CLSTN1: variants seen among roughly 807,000 people sequenced by gnomAD.
CLSTN1 encodes the protein calsyntenin-1.
CLSTN1 carries 28 observed loss-of-function variants against 108.3 expected under a neutral mutation model. The ratio of observed to expected loss-of-function variants is 0.26; its 90% CI spans 0.19 to 0.35. The LOEUF (loss-of-function observed/expected upper bound fraction) is 0.35. Among genes scored for constraint, CLSTN1 ranks in the 10% least tolerant of loss-of-function variants. CLSTN1 has a pLI of 1.00. For missense variants in CLSTN1, 1,157 were observed against 1,302.6 expected, an observed-to-expected ratio of 0.89 and a Z score of 1.72; for synonymous variants, 524 against 534.9, an observed-to-expected ratio of 0.98 and a Z score of 0.28.
At chr1:9,752,836 T>G (rs1651619280) in intron 4 of CLSTN1, among the ~76,000 whole-genome samples, 1 of 152,204 alleles carries the variant, frequency 6.6e-6, no homozygotes, top group Non-Finnish European at 1.5e-5. Flanking sequence ...CACTCCAGCC[T>G]GGGTGACAGA....
In CLSTN1 at chr1:9,744,466, A is replaced by G. The variant is rs780881043; in HGVS notation, c.1163T>C (p.Ile388Thr). ...TGGCCCATGTCTCATCCACACCGAGATGGTGAACGGCTCTTTGGGGCTGAC... is the reference window on the plus strand; with the variant it reads ...TGGCCCATGTCTCATCCACACCGAGGTGGTGAACGGCTCTTTGGGGCTGAC... ...VSVSPKEPFT[I>T]SVWMRHGPFG... is the part of the protein sequence containing the mutation. Residue 388 changes from isoleucine to threonine, a missense_variant, in exon 8 of 19, where the codon ATC becomes ACC. Ile to Thr is a moderately conservative substitution (Grantham distance 89, BLOSUM62 -1). Transcript: ENST00000377298. 43 of 1,610,810 alleles carry G rather than the reference A, an allele frequency of 2.7e-5. No homozygotes were observed. The highest frequency in any genetic ancestry group is 3.4e-5 in the Non-Finnish European group (40 of 1,179,914).
At chr1:9,821,194 G>C (rs991367733) in intron 1 of CLSTN1, among the ~76,000 whole-genome samples, 2 of 152,152 alleles carry the variant, frequency 1.3e-5, no homozygotes, top group East Asian at 1.9e-4. Flanking sequence ...GTGCAGTGGC[G>C]CAATCTCGGC....
intron 2 of CLSTN1, among the ~76,000 whole-genome samples, chr1:9,769,984 C>T (rs567641698): frequency 9.5e-5 from 14 of 147,720 alleles, no homozygotes; most frequent in South Asian, 6.3e-4. Context: ...GAGCCGAGAT[C>T]GCGCCACTGC....
intron 1 of CLSTN1, among the ~76,000 whole-genome samples, chr1:9,800,607 G>C (rs565720285): frequency 2.0e-5 from 3 of 149,788 alleles, no homozygotes; most frequent in African/African-American, 7.3e-5. Context: ...GCAGGCGCCT[G>C]TAGTCCCAGC....
In CLSTN1 at chr1:9,823,585, TGCACCCGGACCCGAATCCC is replaced by T. The variant is rs1288235259; in HGVS notation, c.91+39_91+57del. The T allele has an allele frequency of 4.1e-5, 45 of 1,103,354 alleles. No homozygotes were observed. Among genetic ancestry groups the T allele is most frequent in the Non-Finnish European group, 4.7e-5 (42 of 886,918 alleles). The allele number at this position is 1,103,354 out of a possible 1,614,324, so 68.3% of individuals were successfully genotyped here. ...AATCCCCGCACCGGGACCCGAATCC[TGCACCCGGACCCGAATCCC>T]GCACCGACCCAGCGGCCCGGCCCAG... On this transcript the variant is annotated intron_variant, in intron 1 of 18. Transcript: ENST00000377298. This position sits in a 1 kb window ranked among gnomAD's most constrained non-coding sequence, Gnocchi z 6.3.
intron 1 of CLSTN1, among the ~76,000 whole-genome samples, chr1:9,820,679 A>C (rs1022971538): frequency 3.3e-5 from 5 of 152,178 alleles, no homozygotes; most frequent in African/African-American, 1.2e-4. Context: ...TCATTCAATC[A>C]CACAATACTG....
At position 9,791,032 on chromosome 1, in the gene CLSTN1, C is replaced by T. The variant is rs371217254; in HGVS notation, c.92-17638G>A. Among the ~76,000 whole-genome samples, 23 of 149,364 alleles carry T rather than the reference C, an allele frequency of 1.5e-4. 1 individual carries two copies. In the East Asian group the frequency reaches 1.6e-3, roughly 11 times the overall value. ...CTGTAGTCCCAGCTACTCGGGAGGC[C>T]GAGGCAGGAGAATGGCGTGAACCCG... On this transcript the variant is annotated intron_variant, in intron 1 of 18. Coordinates refer to ENST00000377298, the MANE Select transcript of CLSTN1 (RefSeq NM_001009566.3).
chr1:9,747,176 CAAAAAAAAAAAAAA>C (rs70998306), intron 7 of CLSTN1, among the ~76,000 whole-genome samples: 1 of 32,724 alleles, frequency 3.1e-5, no homozygotes, highest in Admixed American at 3.4e-4. Context: ...GAGACTGTCT[CAAAAAAAAAAAAAA>C]AAAAAAAAAA....
chr1:9,740,249 G>A (rs1650910996), intron 10 of CLSTN1, among the ~76,000 whole-genome samples: 1 of 151,702 alleles, frequency 6.6e-6, no homozygotes, highest in Admixed American at 6.6e-5. Flanking sequence ...TAGTAGAGAT[G>A]GGGTTTCACC....
intron 1 of CLSTN1, among the ~76,000 whole-genome samples, chr1:9,792,417 C>A (rs1653810381): frequency 6.6e-6 from 1 of 151,476 alleles, no homozygotes; most frequent in Admixed American, 6.7e-5. Flanking sequence ...AGATTTCCAG[C>A]AGCAAAGGCT....
chr1:9,800,490 C>T (rs900160407), intron 1 of CLSTN1, among the ~76,000 whole-genome samples: 2 of 144,452 alleles, frequency 1.4e-5, no homozygotes, highest in African/African-American at 2.6e-5. Flanking sequence ...GAGGCCGAGA[C>T]AGGAGGATCA....
At chr1:9,769,672 T>G (rs1652569319) in intron 2 of CLSTN1, among the ~76,000 whole-genome samples, 1 of 152,152 alleles carries the variant, frequency 6.6e-6, no homozygotes, top group Non-Finnish European at 1.5e-5. Flanking sequence ...GATGAAAATG[T>G]TCTGGAGTTA....
intron 2 of CLSTN1, among the ~76,000 whole-genome samples, chr1:9,770,234 C>A (rs1461612345): frequency 6.6e-6 from 1 of 152,074 alleles, no homozygotes; most frequent in Non-Finnish European, 1.5e-5. Flanking sequence ...AGTTAAAATA[C>A]ATATCACAAC....
At chr1:9,742,217 GT>G (rs953323866) in intron 9 of CLSTN1, among the ~76,000 whole-genome samples, 3 of 151,400 alleles carry the variant, frequency 2.0e-5, no homozygotes, top group South Asian at 2.1e-4. Flanking sequence ...TTACTGTTAG[GT>G]TTTTTTTTAA....
At position 9,773,338 on chromosome 1, in the gene CLSTN1, C is replaced by G; in HGVS notation, c.148G>C (p.Asp50His). Residue 50 changes from aspartate to histidine, a missense_variant, in exon 2 of 19, where the codon GAC becomes CAC. Transcript: ENST00000377298. ...PTYHGIVTEN[D>H]NTVLLDPPLI... is the part of the protein sequence containing the mutation. ...GGGGGGTCGAGGAGCACGGTGTTGT[C>G]GTTCTCTGTGACTATGCCGTGGTAG... 1 of 1,614,126 alleles carries G rather than the reference C, an allele frequency of 6.2e-7. No homozygotes were observed. The highest frequency in any genetic ancestry group is 8.5e-7 in the Non-Finnish European group (1 of 1,180,020).
chr1:9,790,961 G>A lies in CLSTN1; in HGVS notation c.92-17567C>T, dbSNP rs567185590. On this transcript the variant is annotated intron_variant, in intron 1 of 18. Coordinates refer to ENST00000377298, the MANE Select transcript of CLSTN1 (RefSeq NM_001009566.3). The stretch of plus-strand genomic sequence containing the variant: ...ATCCTGGCTAACAAGGTGAAACCCC[G>A]TCTCTACTAAAAATACAAAAATTAG... Among the ~76,000 whole-genome samples the A allele has an allele frequency of 2.4e-3, 369 of 151,036 alleles. 2 individuals are homozygous for A. Among genetic ancestry groups the A allele is most frequent in the Non-Finnish European group, 3.6e-3 (246 of 67,914 alleles).
chr1:9,823,811 GC>G lies in CLSTN1; in HGVS notation c.-79del, dbSNP rs1192230956. On this transcript the variant is annotated 5_prime_UTR_variant, in exon 1 of 19. Transcript: ENST00000377298. The surrounding 1 kb of genome is among the most constrained non-coding windows in gnomAD (Gnocchi z 6.3). The stretch of plus-strand genomic sequence containing the variant: ...TCTCGGAGCTCTCGGGGCTCTAGGG[GC>G]CTGGGGCTAGCTGCTCCGCGGCGCG... The G allele has an allele frequency of 4.3e-5, 32 of 738,344 alleles. No homozygotes were observed. The highest frequency in any genetic ancestry group is 5.2e-5 in the Non-Finnish European group (31 of 597,424). 45.7% of individuals were successfully genotyped at this position (738,344 alleles called of 1,614,324 possible).
chr1:9,818,382 G>A (rs1449798118), intron 1 of CLSTN1, among the ~76,000 whole-genome samples: 1 of 151,368 alleles, frequency 6.6e-6, no homozygotes, highest in Non-Finnish European at 1.5e-5. Context: ...AGGCTGGAGT[G>A]CGGCGGTGTG....
intron 1 of CLSTN1, among the ~76,000 whole-genome samples, chr1:9,806,273 C>T (rs1338687548): frequency 6.6e-6 from 1 of 152,136 alleles, no homozygotes; most frequent in Non-Finnish European, 1.5e-5. Flanking sequence ...CCACTTCACT[C>T]CAGCCTGATA....
Sources: gnomAD v4.1 joint callset for allele counts (sites outside exome capture counted in the v4.1 genomes callset) on GRCh38, gnomAD v4.1.1 for gene constraint, Gnocchi (gnomAD v3.1) non-coding constraint, MANE v1.5 for transcripts, NCBI Gene and HGNC (gene_info 2026-07-23, HGNC 2026-07-21) for gene names.